Variants in CHST8 observed in about 807,000 individuals in gnomAD.
The protein encoded by CHST8 is GALNAC-4-ST1.
A neutral mutation model predicts 15.0 loss-of-function variants in CHST8; 10 were observed. That is an observed-to-expected ratio of 0.67 (90% confidence interval 0.41 to 1.13). The LOEUF (loss-of-function observed/expected upper bound fraction) is 1.13, where lower values mean the gene tolerates loss of function less well. CHST8 is among the 50% of genes most tolerant of loss of function. CHST8 has a pLI of 0.00. For synonymous variants in CHST8, 259 were observed against 256.6 expected (o/e 1.01, Z -0.09); for missense variants, 634 against 608.2 (o/e 1.04, Z -0.45).
At chr19:33,694,761 G>C (rs776270539) in intron 3 of CHST8, among the ~76,000 whole-genome samples, 1 of 152,106 alleles carries the variant, frequency 6.6e-6, no homozygotes, top group African/African-American at 2.4e-5. Context: ...TATCTTTTTA[G>C]TAGAGACGGG....
intron 3 of CHST8, among the ~76,000 whole-genome samples, chr19:33,755,990 G>A (rs899878545): frequency 6.6e-6 from 1 of 152,118 alleles, no homozygotes; most frequent in East Asian, 1.9e-4. Context: ...TGTCTTCCAG[G>A]AGCCCAGTAA....
chr19:33,766,702 G>T (rs996222524), intron 3 of CHST8, among the ~76,000 whole-genome samples: 1 of 152,208 alleles, frequency 6.6e-6, no homozygotes, highest in South Asian at 2.1e-4. Flanking sequence ...AGATGCAGTC[G>T]GGACCTTGCC....
intron 1 of CHST8, among the ~76,000 whole-genome samples, chr19:33,632,819 A>G (rs1972139854): frequency 6.6e-6 from 1 of 151,786 alleles, no homozygotes; most frequent in Admixed American, 6.6e-5. Flanking sequence ...CCCAGGCTGA[A>G]GTGTAGTGGT....
At chr19:33,638,211 C>T (rs1013663840) in intron 1 of CHST8, among the ~76,000 whole-genome samples, 7 of 152,168 alleles carry the variant, frequency 4.6e-5, no homozygotes, top group Non-Finnish European at 4.4e-5. Context: ...CGAACACCAC[C>T]GCTGACGTTT....
chr19:33,740,564 C>T (rs770644416), intron 3 of CHST8, among the ~76,000 whole-genome samples: 1 of 152,188 alleles, frequency 6.6e-6, no homozygotes, highest in Non-Finnish European at 1.5e-5. Context: ...CAATGTAAGT[C>T]GGACTGTCAT....
intron 3 of CHST8, among the ~76,000 whole-genome samples, chr19:33,744,026 G>A (rs561976162): frequency 1.2e-4 from 18 of 151,608 alleles, no homozygotes; most frequent in Middle Eastern, 3.5e-3. Flanking sequence ...CCTGACCTCC[G>A]GTGATCCACC....
chr19:33,722,690 T>C (rs531578725), intron 3 of CHST8, among the ~76,000 whole-genome samples: 45 of 152,234 alleles, frequency 3.0e-4, no homozygotes, highest in South Asian at 2.5e-3. Context: ...AGATGAGGTT[T>C]CTGGGGAGAA....
intron 3 of CHST8, among the ~76,000 whole-genome samples, chr19:33,699,426 T>G (rs1325899319): frequency 6.6e-6 from 1 of 152,090 alleles, no homozygotes; most frequent in Non-Finnish European, 1.5e-5. Flanking sequence ...AAACCTTTCT[T>G]GAGAGGTGAG....
chr19:33,675,465 C>T (rs944817739), intron 2 of CHST8, among the ~76,000 whole-genome samples: 3 of 152,234 alleles, frequency 2.0e-5, no homozygotes, highest in Non-Finnish European at 2.9e-5. Context: ...TGTAGAGCCT[C>T]GATTTCCCTG....
At chr19:33,667,970 C>T (rs1445804477) in intron 2 of CHST8, 127 bp downstream of exon 2, 3 of 152,084 alleles carry the variant, frequency 2.0e-5, no homozygotes, top group Non-Finnish European at 2.9e-5. Context: ...AGATTTATGC[C>T]CTTGTGTCGG....
chr19:33,690,445 G>T (rs1202639059), intron 3 of CHST8, among the ~76,000 whole-genome samples: 3 of 152,210 alleles, frequency 2.0e-5, no homozygotes, highest in Non-Finnish European at 4.4e-5. Context: ...CCCATGATGT[G>T]TGGCCTTTAG....
rs866779339 is a variant in CHST8, at chr19:33,696,074, C to T, written c.130+6683C>T. 4.6e-4 allele frequency among the ~76,000 whole-genome samples: 70 copies of T among 152,196 alleles called. 1 individual carries two copies. The highest frequency in any genetic ancestry group is 6.8e-3 in the Middle Eastern group (2 of 294). ...TTCCTAACCTCAGGTGATCCCCCCA[C>T]CTCAGCCTCCCAAAGTGCTGGGATT... On this transcript the variant is annotated intron_variant, in intron 3 of 4. Coordinates refer to ENST00000650847, the MANE Select transcript of CHST8 (RefSeq NM_001127895.2).
chr19:33,752,527 C>T (rs1238471049), intron 3 of CHST8, among the ~76,000 whole-genome samples: 1 of 152,164 alleles, frequency 6.6e-6, no homozygotes, highest in Non-Finnish European at 1.5e-5. Context: ...GGCAACGATA[C>T]TGAGGAGCAT....
At chr19:33,749,676 A>T (rs78261850) in intron 3 of CHST8, among the ~76,000 whole-genome samples, 12 of 151,814 alleles carry the variant, frequency 7.9e-5, no homozygotes, top group African/African-American at 2.9e-4. Context: ...CCTCAGTCTT[A>T]CTGCTACTCA....
At chr19:33,654,818 T>A (rs2145214792) in intron 1 of CHST8, among the ~76,000 whole-genome samples, 1 of 152,284 alleles carries the variant, frequency 6.6e-6, no homozygotes, top group Admixed American at 6.5e-5. Context: ...CCTGACTGAA[T>A]CTCCTGTGGG....
At chr19:33,701,140 G>A (rs1599565436) in intron 3 of CHST8, among the ~76,000 whole-genome samples, 1 of 152,100 alleles carries the variant, frequency 6.6e-6, no homozygotes, top group East Asian at 1.9e-4. Context: ...GCCCACTGTG[G>A]ACCCTGTCTC....
chr19:33,680,414 C>G (rs903993758), intron 2 of CHST8, among the ~76,000 whole-genome samples: 1 of 152,168 alleles, frequency 6.6e-6, no homozygotes, highest in Admixed American at 6.5e-5. Context: ...ATCTGTGCTG[C>G]GGCTAAATCT....
At chr19:33,713,843 G>C (rs1251010793) in intron 3 of CHST8, among the ~76,000 whole-genome samples, 2 of 151,914 alleles carry the variant, frequency 1.3e-5, no homozygotes, top group African/African-American at 4.8e-5. Context: ...CAGGCGTTGA[G>C]TTACCACACC....
chr19:33,767,889 C>T (rs1462449715), intron 3 of CHST8, among the ~76,000 whole-genome samples: 1 of 152,090 alleles, frequency 6.6e-6, no homozygotes, highest in Non-Finnish European at 1.5e-5. Context: ...CTAGATTGTA[C>T]GTTTTATTTG....
Sources: allele counts gnomAD v4.1 joint callset (sites outside exome capture counted in the v4.1 genomes callset), GRCh38; gene constraint gnomAD v4.1.1; transcripts MANE v1.5; gene names NCBI Gene and HGNC (gene_info 2026-07-23, HGNC 2026-07-21).